NBEA: variants seen among roughly 807,000 people sequenced by gnomAD.
NBEA encodes the protein neurobeachin.
A neutral mutation model predicts 343.4 loss-of-function variants in NBEA; 44 were observed. The ratio of observed to expected loss-of-function variants is 0.13; its 90% CI spans 0.10 to 0.16. The LOEUF (loss-of-function observed/expected upper bound fraction) is 0.16. NBEA is among the 10% of genes least tolerant of loss of function. NBEA has a pLI of 1.00. For synonymous variants in NBEA, 1,175 were observed against 1,238.7 expected (o/e 0.95, Z 1.08); for missense variants, 2,555 against 3,631.3 (o/e 0.70, Z 7.62).
At chr13:35,549,229 A>G (rs2079198699) in intron 41 of NBEA, among the ~76,000 whole-genome samples, 1 of 152,236 alleles carries the variant, frequency 6.6e-6, no homozygotes, top group Non-Finnish European at 1.5e-5. Context: ...AATAAAGACC[A>G]AAAGATTATA....
At chr13:35,278,462 A>G (rs1247559411) in intron 34 of NBEA, among the ~76,000 whole-genome samples, 1 of 152,198 alleles carries the variant, frequency 6.6e-6, no homozygotes, top group African/African-American at 2.4e-5. Context: ...TTTAACCAAA[A>G]TGCTCAAGGT....
chr13:35,234,343 C>T (rs2075122560), intron 34 of NBEA, among the ~76,000 whole-genome samples: 1 of 152,082 alleles, frequency 6.6e-6, no homozygotes, highest in South Asian at 2.1e-4. Flanking sequence ...TTCTTGGAAG[C>T]TTAAAAACTA....
At chr13:35,257,635 A>C (rs2032765092) in intron 34 of NBEA, among the ~76,000 whole-genome samples, 1 of 152,046 alleles carries the variant, frequency 6.6e-6, no homozygotes, top group African/African-American at 2.4e-5. Context: ...ATGTTCAATA[A>C]TCTAATGAAA....
At chr13:35,428,682 C>T (rs934041142) in intron 38 of NBEA, among the ~76,000 whole-genome samples, 1 of 152,110 alleles carries the variant, frequency 6.6e-6, no homozygotes, top group Admixed American at 6.6e-5. Flanking sequence ...TCAATCATGG[C>T]TCTTTTAAAT....
At position 35,372,423 on chromosome 13, in the gene NBEA, C is replaced by T. The variant is rs796126122; in HGVS notation, c.6179+20100C>T. Among the ~76,000 whole-genome samples, 80 of 152,236 alleles carry T rather than the reference C, an allele frequency of 5.3e-4. 1 individual carries two copies. The highest frequency in any genetic ancestry group is 1.8e-3 in the African/African-American group (75 of 41,540). ...ACAGGGCAGAGTGATCTCCAGGCCT[C>T]CAGAGAGTGTCCTTGGGCACTGGGG... On this transcript the variant is annotated intron_variant, in intron 38 of 58. Transcript: ENST00000379939.
intron 52 of NBEA, 137 bp from the exon 53 acceptor site, chr13:35,651,668 A>G (rs989414497): frequency 7.7e-6 from 5 of 651,556 alleles, no homozygotes; most frequent in African/African-American, 5.5e-5. Context: ...ACAGAGACAC[A>G]TAGTATCAGA....
intron 36 of NBEA, among the ~76,000 whole-genome samples, chr13:35,316,423 C>A (rs989221354): frequency 5.3e-5 from 8 of 152,270 alleles, no homozygotes; most frequent in Non-Finnish European, 1.0e-4. Context: ...CATGTCCCTG[C>A]AAAGGACATG....
rs114608235 is a variant in NBEA at position 35,591,754 on chromosome 13, G to A, written c.7177-1574G>A. On this transcript the variant is annotated intron_variant, in intron 46 of 58. Transcript: ENST00000379939. ...CCCTTAAGGTTAGTGGCAAGAAAGG[G>A]AGTTTAAGGGGGCAAAGTATGTCCC... 3.6e-3 allele frequency among the ~76,000 whole-genome samples: 548 copies of A among 152,150 alleles called. 1 individual carries two copies. The highest frequency in any genetic ancestry group is 0.013 in the African/African-American group (521 of 41,524).
At chr13:35,570,706 T>C (rs531288191) in intron 45 of NBEA, among the ~76,000 whole-genome samples, 89 of 152,356 alleles carry the variant, frequency 5.8e-4, no homozygotes, top group African/African-American at 2.1e-3. Flanking sequence ...CCATGCTTCA[T>C]TGAATTTCTT....
chr13:35,312,915 T>C (rs9593080), intron 36 of NBEA, among the ~76,000 whole-genome samples: 2,203 of 152,280 alleles, frequency 0.014, 49 homozygotes, highest in African/African-American at 0.05. Context: ...CAGTGAAATA[T>C]CCAGGTGGAG....
chr13:35,472,643 T>A, intron 41 of NBEA, 107 bp downstream of exon 41: 2 of 1,069,050 alleles, frequency 1.9e-6, no homozygotes, highest in Middle Eastern at 2.0e-4. Flanking sequence ...CACATTCTCC[T>A]CTTTCTCATA....
chr13:35,330,317 T>C lies in NBEA; in HGVS notation c.5904-18791T>C, dbSNP rs202049756. 4.6e-5 allele frequency among the ~76,000 whole-genome samples: 7 copies of C among 152,132 alleles called. No individual in the cohort carries two copies. In the East Asian group the frequency reaches 1.4e-3, roughly 29 times the overall value. On this transcript the variant is annotated intron_variant, in intron 36 of 58. Transcript: ENST00000379939. ...GAACATAATAAAGACTCAAGAAATGTCATTTGTTTTTATCAGGATTTAGTT... is the reference window on the plus strand; with the variant it reads ...GAACATAATAAAGACTCAAGAAATGCCATTTGTTTTTATCAGGATTTAGTT...
intron 46 of NBEA, among the ~76,000 whole-genome samples, chr13:35,587,669 ACTT>A (rs2081349776): frequency 6.6e-6 from 1 of 152,176 alleles, no homozygotes; most frequent in African/African-American, 2.4e-5. Flanking sequence ...GATTTACAAG[ACTT>A]CTTCAAGTGT....
chr13:35,380,475 T>C (rs148152885), intron 38 of NBEA, among the ~76,000 whole-genome samples: 1 of 151,444 alleles, frequency 6.6e-6, no homozygotes, highest in African/African-American at 2.4e-5. Flanking sequence ...TAATAATAAT[T>C]TGTAGTTTTC....
chr13:35,101,271 C>A (rs572276994), intron 11 of NBEA, among the ~76,000 whole-genome samples: 52 of 151,968 alleles, frequency 3.4e-4, no homozygotes, highest in Non-Finnish European at 5.9e-4. Context: ...TGATGTTTTT[C>A]AAAGTGACTC....
intron 31 of NBEA, among the ~76,000 whole-genome samples, chr13:35,204,725 G>C (rs1247346932): frequency 6.6e-6 from 1 of 152,090 alleles, no homozygotes; most frequent in Non-Finnish European, 1.5e-5. Flanking sequence ...GAATAGTTTA[G>C]TTCAATGGCT....
intron 41 of NBEA, among the ~76,000 whole-genome samples, chr13:35,547,162 A>G (rs7336545): frequency 0.34 from 51,968 of 152,118 alleles, 10,701 homozygotes; most frequent in Middle Eastern, 0.5. Context: ...GAACATACAT[A>G]AAAATAATTT....
chr13:35,278,817 T>G (rs1188546223), intron 34 of NBEA, among the ~76,000 whole-genome samples: 1 of 152,066 alleles, frequency 6.6e-6, no homozygotes, highest in Non-Finnish European at 1.5e-5. Flanking sequence ...TACTTCGGGC[T>G]TTGCAACCAT....
intron 1 of NBEA, among the ~76,000 whole-genome samples, chr13:35,003,417 G>A (rs180816936): frequency 2.6e-5 from 4 of 152,182 alleles, no homozygotes; most frequent in African/African-American, 7.2e-5. Context: ...TATAATGTGG[G>A]AAAAAGAAAA....
Sources: gnomAD v4.1 joint callset for allele counts (sites outside exome capture counted in the v4.1 genomes callset) on GRCh38, gnomAD v4.1.1 for gene constraint, MANE v1.5 for transcripts, NCBI Gene and HGNC (gene_info 2026-07-23, HGNC 2026-07-21) for gene names.